The following FTCDNL1 variants were observed in gnomAD, a reference collection of about 807,000 sequenced individuals.
The protein encoded by FTCDNL1 is formiminotransferase N-terminal subdomain-containing protein.
Under a neutral mutation model 5.9 loss-of-function variants are expected in FTCDNL1, and 11 were observed. The observed-to-expected ratio is 1.87, with a 90% confidence interval of 1.18 to 3.10. The LOEUF is 3.10. Ranked by LOEUF, FTCDNL1 falls within the 30% of genes most tolerant of loss-of-function variation. FTCDNL1 has a pLI of 0.00. For synonymous variants in FTCDNL1, 58 were observed against 24.8 expected, an observed-to-expected ratio of 2.34 and a Z score of -3.99; for missense variants, 115 against 65.5, an observed-to-expected ratio of 1.76 and a Z score of -2.61.
chr2:199,848,930 A>T lies in FTCDNL1; in HGVS notation c.33T>A (p.Ala11=), dbSNP rs1157218053. The stretch of plus-strand genomic sequence containing the variant: ...CTTCTGAAACGTTTAGTAAACAGGC[A>T]GCCAAACGGAGCCCCACTCTGGAAG... MSSSRVGLRL[A]ACLLNVSEAG... is the part of the protein sequence containing the mutation. The change falls in exon 2 of 5, where the codon GCT becomes GCA. Residue 11 remains alanine, a synonymous_variant. Coordinates refer to ENST00000420128, the MANE Select transcript of FTCDNL1 (RefSeq NM_001363886.2). The T allele has an allele frequency of 2.8e-6, 2 of 702,174 alleles. No individual in the cohort carries two copies. Among genetic ancestry groups the T allele is most frequent in the Non-Finnish European group, 5.2e-6 (2 of 384,770 alleles). 43.5% of individuals were successfully genotyped at this position (702,174 alleles called of 1,614,324 possible). A position where few individuals can be genotyped will look rare whatever the true frequency, so the allele number is the denominator to read the frequency against.
At chr2:199,702,217 C>T in the FTCDNL1 span, among the ~76,000 whole-genome samples, 1,832 of 152,170 alleles carry the variant, frequency 0.012, 23 homozygotes, top group Non-Finnish European at 0.021. Flanking sequence ...ATAATCTGTA[C>T]ATCAAACCCC....
At chr2:199,706,958 G>A in the FTCDNL1 span, among the ~76,000 whole-genome samples, 2 of 152,240 alleles carry the variant, frequency 1.3e-5, no homozygotes, top group African/African-American at 2.4e-5. Context: ...TTGACATAGG[G>A]ATCTGGGCTA....
chr2:199,683,073 C>G, the FTCDNL1 span, among the ~76,000 whole-genome samples: 1 of 152,294 alleles, frequency 6.6e-6, no homozygotes, highest in East Asian at 1.9e-4. Flanking sequence ...CTCTTTCCCA[C>G]TGTACAACTC....
At chr2:199,672,868 C>G in the FTCDNL1 span, among the ~76,000 whole-genome samples, 1 of 151,940 alleles carries the variant, frequency 6.6e-6, no homozygotes, top group Admixed American at 6.6e-5. Context: ...GAGGTTGCCC[C>G]CCACCCTCTT....
the FTCDNL1 span, among the ~76,000 whole-genome samples, chr2:199,669,561 C>T: frequency 6.6e-6 from 1 of 152,288 alleles, no homozygotes; most frequent in African/African-American, 2.4e-5. Flanking sequence ...GTTAAGTGCT[C>T]TTTGCCTTGA....
chr2:199,775,472 T>A (rs1699013001), intron 3 of FTCDNL1, among the ~76,000 whole-genome samples: 1 of 152,140 alleles, frequency 6.6e-6, no homozygotes, highest in South Asian at 2.1e-4. Context: ...GGGAAGCAAC[T>A]CCGTTAAGGC....
At chr2:199,825,470 C>T (rs1254252588) in intron 3 of FTCDNL1, among the ~76,000 whole-genome samples, 5 of 152,116 alleles carry the variant, frequency 3.3e-5, no homozygotes, top group South Asian at 2.1e-4. Context: ...TTGTCCCCTC[C>T]GAATCTCATG....
At chr2:199,704,340 A>G in the FTCDNL1 span, among the ~76,000 whole-genome samples, 1 of 152,192 alleles carries the variant, frequency 6.6e-6, no homozygotes, top group Non-Finnish European at 1.5e-5. Flanking sequence ...ACCAAGGAGC[A>G]TGAGATCCTA....
At chr2:199,748,107 G>A in the FTCDNL1 span, among the ~76,000 whole-genome samples, 7 of 152,112 alleles carry the variant, frequency 4.6e-5, no homozygotes, top group South Asian at 2.1e-4. Context: ...AGAAAAAGTA[G>A]GGTCAAAGAG....
chr2:199,758,408 A>G (rs1698143198), downstream of FTCDNL1, among the ~76,000 whole-genome samples: 1 of 151,928 alleles, frequency 6.6e-6, no homozygotes, highest in East Asian at 1.9e-4. Flanking sequence ...AAATTATGAT[A>G]AAACTCATTA....
the FTCDNL1 span, among the ~76,000 whole-genome samples, chr2:199,667,055 G>T: frequency 6.6e-6 from 1 of 152,062 alleles, no homozygotes; most frequent in Non-Finnish European, 1.5e-5. Flanking sequence ...GAGGAGTGGG[G>T]ACTGTGATTG....
chr2:199,704,185 A>G, the FTCDNL1 span, among the ~76,000 whole-genome samples: 19 of 152,282 alleles, frequency 1.2e-4, no homozygotes, highest in African/African-American at 4.3e-4. Context: ...GTCAGTTTGT[A>G]TTTTCCAACA....
intron 3 of FTCDNL1, among the ~76,000 whole-genome samples, chr2:199,769,989 T>C (rs1474582353): frequency 6.6e-6 from 1 of 152,104 alleles, no homozygotes; most frequent in Non-Finnish European, 1.5e-5. Context: ...CACATTTTCG[T>C]TCAAATCTCA....
the FTCDNL1 span, among the ~76,000 whole-genome samples, chr2:199,735,731 G>T: frequency 6.6e-6 from 1 of 152,146 alleles, no homozygotes; most frequent in Non-Finnish European, 1.5e-5. Flanking sequence ...TGTTCTTCTC[G>T]CACTAAGGCT....
the FTCDNL1 span, among the ~76,000 whole-genome samples, chr2:199,688,632 G>T: frequency 6.6e-6 from 1 of 152,096 alleles, no homozygotes; most frequent in African/African-American, 2.4e-5. Context: ...TGATCATTCT[G>T]GTCTTCCCCT....
At chr2:199,769,825 A>T (rs1269498887) in intron 3 of FTCDNL1, among the ~76,000 whole-genome samples, 1 of 152,226 alleles carries the variant, frequency 6.6e-6, no homozygotes, top group African/African-American at 2.4e-5. Flanking sequence ...ACACCTGTGT[A>T]AATGATCTCT....
Position 199,812,458 on chromosome 2 carries a change from T to C in FTCDNL1, c.*247A>G. On this transcript the variant is annotated 3_prime_UTR_variant, in exon 5 of 5. Transcript: ENST00000420128. ...TTGATTTTTTATGTTAATTTAAACCTACTAAGAAGGTATTTTAAATGAGAG... is the reference window on the plus strand; with the variant it reads ...TTGATTTTTTATGTTAATTTAAACCCACTAAGAAGGTATTTTAAATGAGAG... 5 of 419,742 alleles carry C rather than the reference T, an allele frequency of 1.2e-5. No homozygotes were observed. Among genetic ancestry groups the C allele is most frequent in the Non-Finnish European group, 2.1e-5 (5 of 239,002 alleles). The allele number at this position is 419,742 out of a possible 1,614,324, so 26.0% of individuals were successfully genotyped here.
the FTCDNL1 span, among the ~76,000 whole-genome samples, chr2:199,705,641 G>A: frequency 1.3e-5 from 2 of 152,146 alleles, no homozygotes; most frequent in African/African-American, 2.4e-5. Flanking sequence ...TACTGACAGT[G>A]TACTTACTGC....
the FTCDNL1 span, among the ~76,000 whole-genome samples, chr2:199,674,137 T>C: frequency 6.6e-6 from 1 of 151,828 alleles, no homozygotes; most frequent in African/African-American, 2.4e-5. Context: ...GAGCAGGAGG[T>C]CACAGGGCAG....
Sources: gnomAD v4.1 joint callset for allele counts (sites outside exome capture counted in the v4.1 genomes callset) on GRCh38, gnomAD v4.1.1 for gene constraint, MANE v1.5 for transcripts, NCBI Gene and HGNC (gene_info 2026-07-23, HGNC 2026-07-21) for gene names.